The following LRRC7 variants were observed in gnomAD, a reference collection of about 807,000 sequenced individuals.
The protein encoded by LRRC7 is leucine rich repeat containing 7, also known as leucine-rich repeat-containing protein 7.
LRRC7 carries 23 observed loss-of-function variants against 175.7 expected under a neutral mutation model. That is an observed-to-expected ratio of 0.13 (90% CI 0.09 to 0.19). The LOEUF is 0.19. Ranked by LOEUF, LRRC7 falls within the 10% of genes least tolerant of loss-of-function variation. LRRC7 has a pLI of 1.00. For missense variants in LRRC7, 1,354 were observed against 1,904.7 expected (o/e 0.71, Z 5.38); for synonymous variants, 685 against 680.9 (o/e 1.01, Z -0.09).
In LRRC7 at chr1:70,125,805, A is replaced by G. The variant is rs1386814595; in HGVS notation, c.*3918A>G. On this transcript the variant is annotated 3_prime_UTR_variant, in exon 27 of 27. Coordinates refer to ENST00000651989, the MANE Select transcript of LRRC7 (RefSeq NM_001370785.2). ...AGACTCCGTCTCAAAAAAAAAAAAA[A>G]AAAAAAAGAGAAGATTCAGAGGGGA... Among the ~76,000 whole-genome samples, 1 of 151,022 alleles carries G rather than the reference A, an allele frequency of 6.6e-6. No homozygotes were observed. Among genetic ancestry groups the G allele is most frequent in the Non-Finnish European group, 1.5e-5 (1 of 67,736 alleles).
rs548390713 is a variant in LRRC7 at position 69,865,315 on chromosome 1, T to C, written c.647+27032T>C. Among the ~76,000 whole-genome samples the C allele has an allele frequency of 2.0e-5, 3 of 152,034 alleles. No homozygotes were observed. The South Asian group carries it at 6.2e-4, about 32-fold the overall frequency. ...ACTCAGTTTCAGGCACTCGGTTGCATGATGCCTATCAGAAAAAACGAGCTA... is the reference window on the plus strand; with the variant it reads ...ACTCAGTTTCAGGCACTCGGTTGCACGATGCCTATCAGAAAAAACGAGCTA... On this transcript the variant is annotated intron_variant, in intron 7 of 26. Coordinates refer to ENST00000651989, the MANE Select transcript of LRRC7 (RefSeq NM_001370785.2).
intron 7 of LRRC7, among the ~76,000 whole-genome samples, chr1:69,846,255 T>C (rs1346711804): frequency 2.6e-5 from 4 of 152,100 alleles, no homozygotes; most frequent in Non-Finnish European, 5.9e-5. Flanking sequence ...GAACGAATTG[T>C]ATTTATTTTT....
intron 3 of LRRC7, among the ~76,000 whole-genome samples, chr1:69,774,687 A>T (rs1005894035): frequency 1.3e-5 from 2 of 152,228 alleles, no homozygotes; most frequent in African/African-American, 2.4e-5. Flanking sequence ...TTTTATGAGT[A>T]AAGCAAACAC....
At chr1:69,650,483 T>C (rs1450454340) in intron 1 of LRRC7, among the ~76,000 whole-genome samples, 1 of 135,074 alleles carries the variant, frequency 7.4e-6, no homozygotes, top group Non-Finnish European at 1.5e-5. Flanking sequence ...GAGCTTGCAG[T>C]GAGCCGAGAT....
intron 2 of LRRC7, among the ~76,000 whole-genome samples, chr1:69,738,394 C>T (rs1016042525): frequency 7.2e-5 from 11 of 151,976 alleles, no homozygotes; most frequent in Non-Finnish European, 1.0e-4. Context: ...AAGTATTTCA[C>T]GGGACCTTTG....
At chr1:69,987,793 G>A (rs779345748) in intron 10 of LRRC7, among the ~76,000 whole-genome samples, 2 of 152,088 alleles carry the variant, frequency 1.3e-5, no homozygotes, top group Non-Finnish European at 2.9e-5. Context: ...GTGGTCCATC[G>A]TTTCTTTCTT....
At chr1:69,627,143 C>T (rs1406500736) in intron 1 of LRRC7, among the ~76,000 whole-genome samples, 1 of 152,174 alleles carries the variant, frequency 6.6e-6, no homozygotes. Flanking sequence ...CTTGAGGAAT[C>T]ACCACACTGA....
chr1:69,817,492 T>A (rs1678736059), intron 4 of LRRC7, among the ~76,000 whole-genome samples: 1 of 152,108 alleles, frequency 6.6e-6, no homozygotes, highest in African/African-American at 2.4e-5. Context: ...GATCTCTAAG[T>A]CTGTGTTTGT....
Position 69,803,545 on chromosome 1 carries a change from T to A in LRRC7, c.421+11385T>A, listed in dbSNP as rs562395839. Among the ~76,000 whole-genome samples, 16 of 151,560 alleles carry A rather than the reference T, an allele frequency of 1.1e-4. No homozygotes were observed. In the South Asian group the frequency reaches 2.9e-3, roughly 27 times the overall value. ...TTTTAAGAAATGCATTTTCTAATTT[T>A]GGTTGATTCTATGTAGAAACATTAC... is the stretch of plus-strand genomic sequence containing the variant. On this transcript the variant is annotated intron_variant, in intron 4 of 26. Transcript: ENST00000651989.
intron 7 of LRRC7, 92 bp from the exon 8 acceptor site, chr1:69,931,415 C>A: frequency 1.0e-6 from 1 of 953,106 alleles, no homozygotes; most frequent in Non-Finnish European, 1.7e-6. Context: ...ACTACGCAAT[C>A]AGGTAAATCT....
At chr1:69,876,801 A>G (rs900201247) in intron 7 of LRRC7, among the ~76,000 whole-genome samples, 4 of 152,166 alleles carry the variant, frequency 2.6e-5, no homozygotes, top group Admixed American at 1.3e-4. Context: ...AACACTAGAA[A>G]CACCATGTAC....
intron 1 of LRRC7, among the ~76,000 whole-genome samples, chr1:69,595,952 T>C (rs1392182994): frequency 6.6e-6 from 1 of 150,840 alleles, no homozygotes; most frequent in Non-Finnish European, 1.5e-5. Context: ...TGCCTACTCG[T>C]AGACTGTTAA....
intron 4 of LRRC7, among the ~76,000 whole-genome samples, chr1:69,811,722 A>G (rs1677896228): frequency 6.6e-6 from 1 of 152,118 alleles, no homozygotes; most frequent in African/African-American, 2.4e-5. Context: ...TTGAACAATG[A>G]GAACACATGG....
intron 2 of LRRC7, among the ~76,000 whole-genome samples, chr1:69,701,187 T>C (rs1422635470): frequency 6.6e-6 from 1 of 152,140 alleles, no homozygotes; most frequent in Admixed American, 6.6e-5. Flanking sequence ...AGATGTTACA[T>C]ATAAGGTACT....
chr1:69,914,634 C>A (rs1570629941), intron 7 of LRRC7, among the ~76,000 whole-genome samples: 1 of 152,140 alleles, frequency 6.6e-6, no homozygotes, highest in East Asian at 1.9e-4. Context: ...AATAAATATT[C>A]TCAATCCTTA....
chr1:69,978,932 G>GAAAAA (rs3069189), intron 8 of LRRC7, among the ~76,000 whole-genome samples: 2 of 126,144 alleles, frequency 1.6e-5, no homozygotes, highest in Non-Finnish European at 1.7e-5. Flanking sequence ...GTTTCAGTTA[G>GAAAAA]AAAAAAAAAA....
chr1:70,055,382 G>T (rs1488205620), intron 23 of LRRC7, among the ~76,000 whole-genome samples: 1 of 152,172 alleles, frequency 6.6e-6, no homozygotes, highest in East Asian at 1.9e-4. Flanking sequence ...GCTTTTCAGA[G>T]AATGAATTAG....
intron 7 of LRRC7, among the ~76,000 whole-genome samples, chr1:69,850,421 G>A (rs1682846344): frequency 6.6e-6 from 1 of 152,040 alleles, no homozygotes; most frequent in Non-Finnish European, 1.5e-5. Flanking sequence ...TTCGAGCAAA[G>A]GAAACATGTG....
intron 22 of LRRC7, among the ~76,000 whole-genome samples, chr1:70,044,373 T>C (rs1001652493): frequency 4.6e-5 from 7 of 152,124 alleles, no homozygotes; most frequent in Admixed American, 2.0e-4. Flanking sequence ...ATTTTTCTTA[T>C]TATTCATTTC....
Sources: allele counts gnomAD v4.1 joint callset (sites outside exome capture counted in the v4.1 genomes callset), GRCh38; gene constraint gnomAD v4.1.1; transcripts MANE v1.5; gene names NCBI Gene and HGNC (gene_info 2026-07-23, HGNC 2026-07-21).